The following PKD2 variants were observed in gnomAD, a reference collection of about 807,000 sequenced individuals.
PKD2 encodes polycystin 2, transient receptor potential cation channel.
Under a neutral mutation model 105.9 loss-of-function variants are expected in PKD2, and 48 were observed. The observed-to-expected ratio is 0.45, with a 90% CI of 0.36 to 0.58. The LOEUF (loss-of-function observed/expected upper bound fraction) is 0.58, where lower values mean the gene tolerates loss of function less well. Ranked by LOEUF, PKD2 falls within the 20% of genes least tolerant of loss-of-function variation. The pLI, the probability that PKD2 is intolerant of heterozygous loss-of-function variation, is 0.00. For missense variants in PKD2, 1,078 were observed against 1,255.3 expected, an observed-to-expected ratio of 0.86 and a Z score of 2.13; for synonymous variants, 464 against 481.1, an observed-to-expected ratio of 0.96 and a Z score of 0.46.
chr4:88,008,823 T>C (rs1726292408), intron 1 of PKD2, among the ~76,000 whole-genome samples: 1 of 152,090 alleles, frequency 6.6e-6, no homozygotes, highest in Admixed American at 6.6e-5. Context: ...TAATGTCAAG[T>C]TGTGGGAGGA....
chr4:88,035,515 G>T (rs1194775429), intron 2 of PKD2, among the ~76,000 whole-genome samples: 3 of 152,184 alleles, frequency 2.0e-5, no homozygotes, highest in Non-Finnish European at 4.4e-5. Context: ...ATTGGGGGAG[G>T]GAGTGGCACA....
chr4:88,038,037 A>G (rs766437717), intron 3 of PKD2, among the ~76,000 whole-genome samples: 1 of 152,214 alleles, frequency 6.6e-6, no homozygotes, highest in Non-Finnish European at 1.5e-5. Flanking sequence ...TTCCAGATGC[A>G]AGAACCTTGG....
intron 3 of PKD2, among the ~76,000 whole-genome samples, chr4:88,037,250 CA>C (rs200784552): frequency 7.3e-5 from 11 of 150,084 alleles, no homozygotes; most frequent in Non-Finnish European, 1.2e-4. Flanking sequence ...AAATCCCCCC[CA>C]AAAAAAAACC....
chr4:88,070,924 C>T lies in PKD2; in HGVS notation c.2522+2863C>T, dbSNP rs147441042. ...TGCTGGGGTCACAGGTATGAGCCAC[C>T]GCACTTAGCCTGAATTTTTTATTTA... On this transcript the variant is annotated intron_variant, in intron 13 of 14. Transcript: ENST00000237596. Among the ~76,000 whole-genome samples, 1,363 of 150,076 alleles carry T rather than the reference C, an allele frequency of 9.1e-3. 10 individuals carry two copies. The highest frequency in any genetic ancestry group is 0.033 in the Middle Eastern group (9 of 270).
intron 1 of PKD2, among the ~76,000 whole-genome samples, chr4:88,019,191 A>G (rs1726660876): frequency 6.6e-6 from 1 of 152,104 alleles, no homozygotes; most frequent in Non-Finnish European, 1.5e-5. Context: ...GATATTGCTA[A>G]TGGGCTTGGG....
intron 6 of PKD2, among the ~76,000 whole-genome samples, chr4:88,048,369 G>C (rs766801614): frequency 2.6e-5 from 4 of 151,962 alleles, no homozygotes; most frequent in Non-Finnish European, 5.9e-5. Context: ...ATTAATAGTT[G>C]ATAAAATATG....
At chr4:88,069,303 T>TG (rs1233725577) in intron 13 of PKD2, among the ~76,000 whole-genome samples, 1 of 152,162 alleles carries the variant, frequency 6.6e-6, no homozygotes, top group Non-Finnish European at 1.5e-5. Context: ...TTATCATTGA[T>TG]GTAGTTGATT....
At chr4:88,025,936 C>T (rs1263919561) in intron 2 of PKD2, among the ~76,000 whole-genome samples, 1 of 152,218 alleles carries the variant, frequency 6.6e-6, no homozygotes, top group Non-Finnish European at 1.5e-5. Flanking sequence ...TTTCCTGAGG[C>T]CTTCCCAGCC....
chr4:88,073,200 A>T (rs1242816702), intron 13 of PKD2, among the ~76,000 whole-genome samples: 1 of 151,150 alleles, frequency 6.6e-6, no homozygotes, highest in Non-Finnish European at 1.5e-5. Context: ...AAAAAAAAAA[A>T]AAAAAAGGTG....
Position 88,007,849 on chromosome 4 carries a change from G to C in PKD2, c.116G>C (p.Ser39Thr). Residue 39 changes from serine to threonine, a missense_variant, in exon 1 of 15, where the codon AGC (serine) becomes ACC (threonine). This residue lies in a region of PKD2 where 210 missense variants were observed against 187.9 expected (regional missense o/e 1.12). Coordinates refer to ENST00000237596, the MANE Select transcript of PKD2 (RefSeq NM_000297.4). ...GCTGGCTGCGCGGCCGTGGGCGCCA[G>C]CCTCGCCGCCCCGGGCGGCCTCTGC... Reference protein sequence around the residue: ...LMAGCAAVGASLAAPGGLCEQ... With the variant: ...LMAGCAAVGATLAAPGGLCEQ... 8.2e-7 allele frequency: 1 copy of C among 1,218,560 alleles called. No individual in the cohort carries two copies. The highest frequency in any genetic ancestry group is 1.0e-6 in the Non-Finnish European group (1 of 980,408). The allele number at this position is 1,218,560 out of a possible 1,614,324, so 75.5% of individuals were successfully genotyped here. A position where few individuals can be genotyped will look rare whatever the true frequency, so the allele number is the denominator to read the frequency against.
At chr4:88,061,872 CT>C (rs1720588296) in intron 9 of PKD2, 33 bp from the exon 10 acceptor site, 1 of 977,626 alleles carries the variant, frequency 1.0e-6, no homozygotes. Context: ...ATGTTTCTTC[CT>C]TTAATTTTTG....
At chr4:88,034,688 AG>A (rs1727272306) in intron 2 of PKD2, among the ~76,000 whole-genome samples, 1 of 147,496 alleles carries the variant, frequency 6.8e-6, no homozygotes, top group Non-Finnish European at 1.5e-5. Context: ...AAAAAAAAAA[AG>A]GCAGAGTGGG....
At chr4:88,023,568 T>A (rs551230713) in intron 2 of PKD2, among the ~76,000 whole-genome samples, 1 of 150,818 alleles carries the variant, frequency 6.6e-6, no homozygotes, top group South Asian at 2.1e-4. Context: ...AAAGTACAGA[T>A]TTTTTTTGCA....
Position 88,046,807 on chromosome 4 carries a change from T to C in PKD2, c.1485T>C (p.Ile495=). The change falls in exon 6 of 15, where the codon ATT becomes ATC. Residue 495 remains isoleucine (I), a synonymous_variant. Transcript: ENST00000237596. ...ATGTGGTGGAAGAGATATTGGAAAT[T>C]CGCATTCACAAACTACACTATTTCA... is the stretch of plus-strand genomic sequence containing the variant. The part of the protein sequence containing the change: ...FYYVVEEILE[I]RIHKLHYFRS... 1.9e-6 allele frequency: 3 copies of C among 1,612,536 alleles called. No individual in the cohort carries two copies. Among genetic ancestry groups the C allele is most frequent in the East Asian group, 2.2e-5 (1 of 44,868 alleles).
At chr4:88,034,168 A>G (rs1727252561) in intron 2 of PKD2, among the ~76,000 whole-genome samples, 1 of 152,166 alleles carries the variant, frequency 6.6e-6, no homozygotes. Flanking sequence ...TCCTAATTAC[A>G]TTAGGTTATA....
At chr4:88,013,640 T>C (rs78948988) in intron 1 of PKD2, among the ~76,000 whole-genome samples, 14,763 of 151,094 alleles carry the variant, frequency 0.098, 1,060 homozygotes, top group East Asian at 0.41. Flanking sequence ...AGATTGAGGC[T>C]GCAGTGAGCT....
chr4:88,031,974 G>T (rs1298332954), intron 2 of PKD2, among the ~76,000 whole-genome samples: 1 of 152,054 alleles, frequency 6.6e-6, no homozygotes, highest in Non-Finnish European at 1.5e-5. Context: ...AAAATATTTT[G>T]TTCCTGATAA....
intron 13 of PKD2, among the ~76,000 whole-genome samples, chr4:88,073,187 T>G (rs1333804684): frequency 7.6e-6 from 1 of 130,978 alleles, no homozygotes; most frequent in African/African-American, 2.9e-5. Flanking sequence ...TTTGTCTCTA[T>G]TAAAAAAAAA....
intron 12 of PKD2, among the ~76,000 whole-genome samples, chr4:88,067,326 A>C (rs1180377890): frequency 2.0e-5 from 3 of 152,144 alleles, no homozygotes; most frequent in Admixed American, 2.0e-4. Context: ...CAAATAAGGG[A>C]TACTCAACCT....
Sources: allele counts gnomAD v4.1 joint callset (sites outside exome capture counted in the v4.1 genomes callset), GRCh38; gene constraint gnomAD v4.1.1; regional missense constraint gnomAD v4.1.1; transcripts MANE v1.5; gene names NCBI Gene and HGNC (gene_info 2026-07-23, HGNC 2026-07-21).